SYT14: variants seen among roughly 807,000 people sequenced by gnomAD.
SYT14 encodes the protein synaptotagmin-14.
SYT14 carries 32 observed loss-of-function variants against 74.2 expected under a neutral mutation model. The observed-to-expected ratio is 0.43, with a 90% confidence interval of 0.33 to 0.58. SYT14 has a LOEUF of 0.58. Ranked by LOEUF, SYT14 falls within the 20% of genes least tolerant of loss-of-function variation. The probability of loss-of-function intolerance (pLI) is 0.05; values close to 1 mark genes in which losing one functional copy is unlikely to be tolerated. For missense variants in SYT14, 791 were observed against 981.8 expected, an observed-to-expected ratio of 0.81 and a Z score of 2.60; for synonymous variants, 298 against 337.7, an observed-to-expected ratio of 0.88 and a Z score of 1.29.
At position 210,056,659 on chromosome 1, in the gene SYT14, C is replaced by CAAAAA. The variant is rs1196789715; in HGVS notation, c.1312+35418_1312+35422dup. ...TGAAACCCCGTCTCTACTAAAAATA[C>CAAAAA]AAAAAAAAAAAAAAAAATTAGCCGG... On this transcript the variant is annotated intron_variant, in intron 5 of 9. Transcript: ENST00000637265. Among the ~76,000 whole-genome samples, 18 of 79,386 alleles carry CAAAAA rather than the reference C, an allele frequency of 2.3e-4. 1 individual carries two copies. The highest frequency in any genetic ancestry group is 1.7e-3 in the East Asian group (4 of 2,292). 52.1% of individuals were successfully genotyped at this position (79,386 alleles called of 152,430 possible). A position where few individuals can be genotyped will look rare whatever the true frequency, so the allele number is the denominator to read the frequency against.
intron 7 of SYT14, among the ~76,000 whole-genome samples, chr1:210,133,919 A>G (rs948355370): frequency 6.6e-6 from 1 of 151,168 alleles, no homozygotes; most frequent in African/African-American, 2.4e-5. Flanking sequence ...CTCCATAGGA[A>G]TGGAGTTGGC....
Position 209,969,885 on chromosome 1 carries a change from T to C in SYT14, c.-486+17129T>C, listed in dbSNP as rs2079219689. Among the ~76,000 whole-genome samples the C allele has an allele frequency of 2.0e-5, 3 of 152,212 alleles. No homozygotes were observed. The South Asian group carries it at 6.2e-4, about 31-fold the overall frequency. Reference sequence around the variant, plus strand: ...TTCTTTTGAGAAGTGTCTGTTTATGTCTTTGCTCACTTTTTAATGGGGTTG... The same window carrying C: ...TTCTTTTGAGAAGTGTCTGTTTATGCCTTTGCTCACTTTTTAATGGGGTTG... On this transcript the variant is annotated intron_variant, in intron 2 of 9. Coordinates refer to ENST00000637265, the Ensembl canonical transcript of SYT14.
At chr1:209,982,171 T>A (rs1156391310) in intron 2 of SYT14, among the ~76,000 whole-genome samples, 1 of 152,068 alleles carries the variant, frequency 6.6e-6, no homozygotes, top group Non-Finnish European at 1.5e-5. Flanking sequence ...TATTATTATT[T>A]TTTAAATAGG....
At chr1:209,974,058 GT>G (rs985662048) in intron 2 of SYT14, among the ~76,000 whole-genome samples, 16 of 148,976 alleles carry the variant, frequency 1.1e-4, no homozygotes, top group African/African-American at 3.2e-4. Flanking sequence ...TGATGGGGTT[GT>G]TTTTTTTTTC....
intron 2 of SYT14, among the ~76,000 whole-genome samples, chr1:209,987,510 A>G (rs1205271190): frequency 6.6e-6 from 1 of 152,208 alleles, no homozygotes; most frequent in African/African-American, 2.4e-5. Flanking sequence ...TTAAACAATC[A>G]GATCTTGTGA....
intron 2 of SYT14, chr1:209,966,128 G>T (rs969646645): frequency 1.2e-5 from 4 of 339,336 alleles, no homozygotes; most frequent in Non-Finnish European, 2.3e-5. Flanking sequence ...CCTCAACCTC[G>T]CAAAGTGCTG....
At chr1:210,128,632 C>T (rs75309802) in intron 7 of SYT14, among the ~76,000 whole-genome samples, 2 of 152,070 alleles carry the variant, frequency 1.3e-5, no homozygotes, top group African/African-American at 4.8e-5. Context: ...GAAACAGATC[C>T]ACTACCCTCT....
intron 7 of SYT14, among the ~76,000 whole-genome samples, chr1:210,116,597 T>C (rs550707473): frequency 2.0e-5 from 3 of 152,350 alleles, no homozygotes; most frequent in Admixed American, 6.5e-5. Flanking sequence ...TCTGCCCCCC[T>C]TGGCCTCCCA....
chr1:210,126,653 A>G (rs887496913), intron 7 of SYT14, among the ~76,000 whole-genome samples: 1 of 152,250 alleles, frequency 6.6e-6, no homozygotes, highest in East Asian at 1.9e-4. Context: ...ACAAAAATAC[A>G]ACGTAAAGTA....
chr1:209,978,208 C>T (rs562514372), intron 2 of SYT14, among the ~76,000 whole-genome samples: 8 of 152,078 alleles, frequency 5.3e-5, no homozygotes, highest in South Asian at 2.1e-4. Flanking sequence ...CTCAACTCAT[C>T]GAAGTCATTC....
At chr1:209,958,352 T>C (rs919699873) in intron 2 of SYT14, among the ~76,000 whole-genome samples, 2 of 152,180 alleles carry the variant, frequency 1.3e-5, no homozygotes, top group East Asian at 3.9e-4. Flanking sequence ...TCTTCAGTAA[T>C]GTTATAGCTA....
intron 1 of SYT14, among the ~76,000 whole-genome samples, chr1:209,947,429 T>G (rs2078840275): frequency 6.6e-6 from 1 of 152,186 alleles, no homozygotes; most frequent in Admixed American, 6.5e-5. Flanking sequence ...TGATTCCAAC[T>G]ATCATGGATG....
intron 5 of SYT14, among the ~76,000 whole-genome samples, chr1:210,045,095 T>G (rs773646137): frequency 2.6e-5 from 4 of 152,192 alleles, no homozygotes; most frequent in Non-Finnish European, 5.9e-5. Context: ...ATATATCTAC[T>G]TTCAGAATAT....
chr1:209,952,713 A>G, exon 2 of SYT14: 1 of 1,610,566 alleles, frequency 6.2e-7, no homozygotes, highest in South Asian at 1.1e-5. Context: ...TAATAGGTGG[A>G]GAGAGAACCT....
rs1227617567 is a variant in SYT14 at position 210,012,883 on chromosome 1, G to A, written c.-485-750G>A. ...CACCTGGGTAATTTTTGTACTTTTAGTAGAGACAGGGTTTCGCCACATTGG... is the reference window on the plus strand; with the variant it reads ...CACCTGGGTAATTTTTGTACTTTTAATAGAGACAGGGTTTCGCCACATTGG... On this transcript the variant is annotated intron_variant, in intron 2 of 9. Transcript: ENST00000637265. Among the ~76,000 whole-genome samples the A allele has an allele frequency of 2.0e-5, 3 of 151,870 alleles. No individual in the cohort carries two copies. The South Asian group carries it at 6.2e-4, about 32-fold the overall frequency.
At chr1:210,159,683 T>A (rs189397304) in intron 9 of SYT14, among the ~76,000 whole-genome samples, 180 of 152,330 alleles carry the variant, frequency 1.2e-3, no homozygotes, top group African/African-American at 4.1e-3. Context: ...TAAGCAAAAC[T>A]TTTTAAAATA....
exon 10 of SYT14, chr1:210,165,574 C>T (rs1455624630): frequency 6.6e-6 from 1 of 152,130 alleles, no homozygotes; most frequent in Non-Finnish European, 1.5e-5. Context: ...CTGTGTCTAG[C>T]CCATATCTCA....
chr1:210,061,023 A>G (rs934993233), intron 5 of SYT14, among the ~76,000 whole-genome samples: 1 of 151,948 alleles, frequency 6.6e-6, no homozygotes, highest in Admixed American at 6.6e-5. Context: ...GTTTACCTGA[A>G]CTAGATTCTC....
intron 7 of SYT14, among the ~76,000 whole-genome samples, chr1:210,151,674 G>A (rs2083167151): frequency 6.6e-6 from 1 of 151,838 alleles, no homozygotes; most frequent in Non-Finnish European, 1.5e-5. Context: ...CTTTTTCTAG[G>A]GCATAAATTC....
Sources: allele counts gnomAD v4.1 joint callset (sites outside exome capture counted in the v4.1 genomes callset), GRCh38; gene constraint gnomAD v4.1.1; transcripts MANE v1.5; gene names NCBI Gene and HGNC (gene_info 2026-07-23, HGNC 2026-07-21).